MALRD1: variants seen among roughly 807,000 people sequenced by gnomAD.
MALRD1 encodes MAM and LDL receptor class A domain containing 1, also known as MAM and LDL-receptor class A domain-containing protein 1.
A neutral mutation model predicts 242.1 loss-of-function variants in MALRD1; 247 were observed. The observed-to-expected ratio is 1.02, with a 90% CI of 0.92 to 1.13. The LOEUF (loss-of-function observed/expected upper bound fraction) is 1.13. MALRD1 is among the 50% of genes most tolerant of loss of function. The pLI is 0.00. For missense variants in MALRD1, 2,989 were observed against 2,533.1 expected (o/e 1.18, Z -3.86); for synonymous variants, 995 against 866.6 (o/e 1.15, Z -2.60).
chr10:19,640,584 T>C (rs1326986), intron 36 of MALRD1, among the ~76,000 whole-genome samples: 6,245 of 152,312 alleles, frequency 0.041, 204 homozygotes, highest in Middle Eastern at 0.1. Flanking sequence ...CTTTCTACTC[T>C]AACCCTGTTC....
chr10:19,554,260 G>A (rs536197001), intron 32 of MALRD1, among the ~76,000 whole-genome samples: 1 of 152,292 alleles, frequency 6.6e-6, no homozygotes, highest in South Asian at 2.1e-4. Flanking sequence ...TGCTTCTGGT[G>A]AGGACTCAGG....
At chr10:19,604,911 T>A (rs375014916) in intron 34 of MALRD1, among the ~76,000 whole-genome samples, 1 of 152,174 alleles carries the variant, frequency 6.6e-6, no homozygotes, top group East Asian at 1.9e-4. Context: ...GCCTGCCATA[T>A]TGCTGAGATA....
chr10:19,186,182 A>C (rs2131573628), intron 14 of MALRD1, among the ~76,000 whole-genome samples: 1 of 152,180 alleles, frequency 6.6e-6, no homozygotes, highest in South Asian at 2.1e-4. Context: ...CTATCTAGTT[A>C]TTTTTCCTTA....
At chr10:19,662,597 A>G (rs1261950245) in intron 36 of MALRD1, among the ~76,000 whole-genome samples, 3 of 152,120 alleles carry the variant, frequency 2.0e-5, no homozygotes, top group African/African-American at 7.2e-5. Flanking sequence ...AGGTATTAAG[A>G]GTTTTAGTGA....
intron 18 of MALRD1, among the ~76,000 whole-genome samples, chr10:19,222,903 T>G (rs2131669532): frequency 6.6e-6 from 1 of 152,338 alleles, no homozygotes; most frequent in East Asian, 1.9e-4. Flanking sequence ...TTTGTAATTC[T>G]TTGTCAGATG....
intron 18 of MALRD1, among the ~76,000 whole-genome samples, chr10:19,241,634 G>A (rs926184054): frequency 5.3e-4 from 80 of 152,070 alleles, no homozygotes; most frequent in African/African-American, 1.9e-3. Context: ...TACTTGAAGT[G>A]TATAATTTTG....
rs537496773 is a variant in MALRD1, at chr10:19,342,658, C to T, written c.3902-5113C>T. On this transcript the variant is annotated intron_variant, in intron 24 of 39. Transcript: ENST00000454679. ...GTGTGTTTTCAGAGATGTTATTAAGCATGGACTGAGAATAGCTTTTGTTTT... is the reference window on the plus strand; with the variant it reads ...GTGTGTTTTCAGAGATGTTATTAAGTATGGACTGAGAATAGCTTTTGTTTT... Among the ~76,000 whole-genome samples, 21 of 152,198 alleles carry T rather than the reference C, an allele frequency of 1.4e-4. No homozygotes were observed. The East Asian group carries it at 2.7e-3, about 20-fold the overall frequency.
intron 26 of MALRD1, among the ~76,000 whole-genome samples, chr10:19,379,506 T>A (rs1845749592): frequency 6.6e-6 from 1 of 152,192 alleles, no homozygotes; most frequent in African/African-American, 2.4e-5. Context: ...TTCATAGGGT[T>A]CAAACTATAA....
intron 32 of MALRD1, among the ~76,000 whole-genome samples, chr10:19,563,252 C>T (rs1836084607): frequency 2.6e-5 from 4 of 152,118 alleles, no homozygotes. Context: ...TCATTAATAT[C>T]AGTAGCATTG....
At chr10:19,379,449 A>T (rs1289813160) in intron 26 of MALRD1, among the ~76,000 whole-genome samples, 1 of 152,084 alleles carries the variant, frequency 6.6e-6, no homozygotes, top group Admixed American at 6.6e-5. Flanking sequence ...TGTTACCTGA[A>T]CTGCTTTACC....
chr10:19,460,432 T>G (rs1485475280), intron 29 of MALRD1, among the ~76,000 whole-genome samples: 3 of 138,692 alleles, frequency 2.2e-5, no homozygotes, highest in Non-Finnish European at 4.6e-5. Context: ...CACACACAAA[T>G]GCACATACGC....
intron 4 of MALRD1, among the ~76,000 whole-genome samples, chr10:19,097,106 T>C (rs942947706): frequency 2.0e-5 from 3 of 152,228 alleles, no homozygotes; most frequent in Admixed American, 1.3e-4. Flanking sequence ...GCACTATGTT[T>C]ACTTCTTTGG....
At chr10:19,656,830 T>C (rs1926821) in intron 36 of MALRD1, among the ~76,000 whole-genome samples, 14,700 of 152,122 alleles carry the variant, frequency 0.097, 1,776 homozygotes, top group African/African-American at 0.28. Flanking sequence ...TTGGGACTCT[T>C]TTCATTATGA....
intron 19 of MALRD1, among the ~76,000 whole-genome samples, chr10:19,268,151 A>T (rs1416170436): frequency 3.9e-5 from 6 of 152,210 alleles, no homozygotes; most frequent in Non-Finnish European, 8.8e-5. Flanking sequence ...AGTCACATTC[A>T]AATATAGTAG....
At chr10:19,609,061 A>T (rs1207638531) in intron 35 of MALRD1, among the ~76,000 whole-genome samples, 1 of 152,100 alleles carries the variant, frequency 6.6e-6, no homozygotes, top group Non-Finnish European at 1.5e-5. Flanking sequence ...TAGGAGCACA[A>T]ATATAATATG....
chr10:19,206,741 G>A (rs1836804505), intron 17 of MALRD1, among the ~76,000 whole-genome samples: 1 of 152,180 alleles, frequency 6.6e-6, no homozygotes, highest in South Asian at 2.1e-4. Flanking sequence ...GGTCTTTTAT[G>A]GAAAGGTGGA....
intron 33 of MALRD1, among the ~76,000 whole-genome samples, chr10:19,587,072 G>A (rs949710724): frequency 7.2e-5 from 11 of 152,190 alleles, no homozygotes; most frequent in African/African-American, 1.9e-4. Flanking sequence ...GCAATGCCTC[G>A]CCCTGCTTCG....
chr10:19,290,826 T>C (rs1426198839), intron 21 of MALRD1, among the ~76,000 whole-genome samples: 1 of 152,164 alleles, frequency 6.6e-6, no homozygotes. Flanking sequence ...TTAAATATAC[T>C]TAGAATACTG....
rs146239322 is a variant in MALRD1, at chr10:19,443,764, G to C, written c.4846-6543G>C. On this transcript the variant is annotated intron_variant, in intron 28 of 39. Transcript: ENST00000454679. ...AACTATGTGGTCAGTTTTGGAATAAGTGTGATGTGGTGCTGAGAAGAATGT... is the reference window on the plus strand; with the variant it reads ...AACTATGTGGTCAGTTTTGGAATAACTGTGATGTGGTGCTGAGAAGAATGT... 2.5e-3 allele frequency among the ~76,000 whole-genome samples: 376 copies of C among 152,350 alleles called. 6 individuals are homozygous for C. In the East Asian group the frequency reaches 0.048, roughly 20 times the overall value.
Sources: allele counts gnomAD v4.1 joint callset (sites outside exome capture counted in the v4.1 genomes callset), GRCh38; gene constraint gnomAD v4.1.1; transcripts MANE v1.5; gene names NCBI Gene and HGNC (gene_info 2026-07-23, HGNC 2026-07-21).